Variants in CSGALNACT2 observed in about 807,000 individuals in gnomAD.
CSGALNACT2 encodes the protein beta 4 GalNAcT-2.
In CSGALNACT2, 35 loss-of-function variants were observed where a neutral mutation model predicts 55.3. The ratio of observed to expected loss-of-function variants is 0.63; its 90% CI spans 0.48 to 0.84. CSGALNACT2 has a LOEUF of 0.84. Among genes scored for constraint, CSGALNACT2 ranks in the 40% least tolerant of loss-of-function variants. The probability of loss-of-function intolerance (pLI) is 0.00; values close to 1 mark genes in which losing one functional copy is unlikely to be tolerated. For synonymous variants in CSGALNACT2, 196 were observed against 224.9 expected (o/e 0.87, Z 1.15); for missense variants, 544 against 657.5 (o/e 0.83, Z 1.89).
At chr10:43,164,120 T>A in intron 5 of CSGALNACT2, 76 bp downstream of exon 5, 1 of 1,245,256 alleles carries the variant, frequency 8.0e-7, no homozygotes, top group Non-Finnish European at 1.1e-6. Context: ...TTGAATCAAG[T>A]GATTTTGAGG....
chr10:43,155,078 T>G lies in CSGALNACT2; in HGVS notation c.-72T>G. ...GGAAATTCTGATTTTGTTTTTAATT[T>G]TTGATAACTTTTTACTAAAGGTATG... is the stretch of plus-strand genomic sequence containing the variant. On this transcript the variant is annotated 5_prime_UTR_variant, in exon 2 of 8. Transcript: ENST00000374466. 2 of 1,249,134 alleles carry G rather than the reference T, an allele frequency of 1.6e-6. No individual in the cohort carries two copies. The highest frequency in any genetic ancestry group is 2.2e-6 in the Non-Finnish European group (2 of 890,302). The allele number at this position is 1,249,134 out of a possible 1,614,324, so 77.4% of individuals were successfully genotyped here. A position where few individuals can be genotyped will look rare whatever the true frequency, so the allele number is the denominator to read the frequency against.
In CSGALNACT2 at chr10:43,179,382, C is replaced by T. The variant is rs952542051; in HGVS notation, c.1336+3350C>T. ...GGATACTGATTTCCCTCTACCACCACGGCTTGGTTTTTTTTTTTCCTTGTT... is the reference window on the plus strand; with the variant it reads ...GGATACTGATTTCCCTCTACCACCATGGCTTGGTTTTTTTTTTTCCTTGTT... On this transcript the variant is annotated intron_variant, in intron 7 of 7. Transcript: ENST00000374466. Among the ~76,000 whole-genome samples, 8 of 150,718 alleles carry T rather than the reference C, an allele frequency of 5.3e-5. No homozygotes were observed. The East Asian group carries it at 5.8e-4, about 11-fold the overall frequency.
intron 6 of CSGALNACT2, among the ~76,000 whole-genome samples, chr10:43,172,412 A>G (rs1487616315): frequency 6.6e-6 from 1 of 152,198 alleles, no homozygotes; most frequent in Non-Finnish European, 1.5e-5. Context: ...TGTGCAGGGT[A>G]CTTGTTCTGT....
intron 4 of CSGALNACT2, among the ~76,000 whole-genome samples, chr10:43,161,981 G>T (rs915796107): frequency 2.0e-5 from 3 of 152,134 alleles, no homozygotes; most frequent in African/African-American, 7.2e-5. Flanking sequence ...GTGGCAAATG[G>T]TGTAAACCTA....
In CSGALNACT2 at chr10:43,183,283, GAGA is replaced by G. The variant is rs1839626782; in HGVS notation, c.1374_1376del (p.Glu458del). On this transcript the variant is annotated inframe_deletion, in exon 8 of 8. Transcript: ENST00000374466. ...GACATGGAAGTGAAAGGTTGGGGTG[GAGA>G]AGATGTTCATCTTTATCGAAAATAC... 1.2e-6 allele frequency: 2 copies of G among 1,613,554 alleles called. No homozygotes were observed. Among genetic ancestry groups the G allele is most frequent in the Non-Finnish European group, 1.7e-6 (2 of 1,179,578 alleles).
At chr10:43,155,862 T>C (rs765422331) in intron 2 of CSGALNACT2, 52 bp downstream of exon 2, 1 of 1,392,042 alleles carries the variant, frequency 7.2e-7, no homozygotes, top group Non-Finnish European at 1.0e-6. Context: ...CAAATGCTAG[T>C]ATTGTATGCT....
At chr10:43,164,363 G>C (rs1270979289) in intron 5 of CSGALNACT2, among the ~76,000 whole-genome samples, 1 of 152,162 alleles carries the variant, frequency 6.6e-6, no homozygotes, top group Non-Finnish European at 1.5e-5. Context: ...TAAGCAGATG[G>C]TATGGAGATG....
chr10:43,164,102 C>T, intron 5 of CSGALNACT2, 58 bp downstream of exon 5: 1 of 1,384,980 alleles, frequency 7.2e-7, no homozygotes, highest in Non-Finnish European at 9.8e-7. Flanking sequence ...GTCAGCATGT[C>T]CTATAGTTTG....
At chr10:43,141,500 C>A (rs530229706) in intron 1 of CSGALNACT2, among the ~76,000 whole-genome samples, 1 of 151,888 alleles carries the variant, frequency 6.6e-6, no homozygotes, top group African/African-American at 2.4e-5. Context: ...CAGGCGTGAG[C>A]CACCGCACCT....
intron 1 of CSGALNACT2, among the ~76,000 whole-genome samples, chr10:43,144,470 A>G (rs1838699132): frequency 1.3e-5 from 2 of 152,174 alleles, no homozygotes; most frequent in African/African-American, 2.4e-5. Flanking sequence ...AATATGTAGT[A>G]CTCTATTTTT....
rs560591972 is a variant in CSGALNACT2 at position 43,180,529 on chromosome 10, T to C, written c.1337-2721T>C. The stretch of plus-strand genomic sequence containing the variant: ...TATCTGCTCTTTCCATTAGAGCCCT[T>C]AGAGTATTATACATAGTTGTTTTAA... On this transcript the variant is annotated intron_variant, in intron 7 of 7. Transcript: ENST00000374466. Among the ~76,000 whole-genome samples the C allele has an allele frequency of 1.1e-4, 16 of 152,306 alleles. 2 individuals are homozygous for C. The South Asian group carries it at 3.3e-3, about 32-fold the overall frequency.
At chr10:43,154,148 G>A (rs755404723) in intron 1 of CSGALNACT2, among the ~76,000 whole-genome samples, 47 of 152,300 alleles carry the variant, frequency 3.1e-4, no homozygotes, top group Non-Finnish European at 5.3e-4. Context: ...GAATAAACTG[G>A]GAGAAAATCT....
chr10:43,156,310 G>A (rs1399684910), intron 2 of CSGALNACT2, among the ~76,000 whole-genome samples: 1 of 152,190 alleles, frequency 6.6e-6, no homozygotes, highest in Non-Finnish European at 1.5e-5. Flanking sequence ...ATTTGGAAAA[G>A]TAAGGAAATA....
rs1260152937 is a variant in CSGALNACT2 at position 43,183,743 on chromosome 10, T to G, written c.*201T>G. On this transcript the variant is annotated 3_prime_UTR_variant, in exon 8 of 8. Coordinates refer to ENST00000374466, the MANE Select transcript of CSGALNACT2 (RefSeq NM_018590.5). Reference sequence around the variant, plus strand: ...CAAAATCTCTGTTTTGTGAGAATACTGCACTATGGAATAATTGACAAATTG... The same window carrying G: ...CAAAATCTCTGTTTTGTGAGAATACGGCACTATGGAATAATTGACAAATTG... 1.7e-6 allele frequency: 1 copy of G among 585,152 alleles called. No homozygotes were observed. Among genetic ancestry groups the G allele is most frequent in the East Asian group, 2.8e-5 (1 of 35,264 alleles). The allele number at this position is 585,152 out of a possible 1,614,324, so 36.2% of individuals were successfully genotyped here. A position where few individuals can be genotyped will look rare whatever the true frequency, so the allele number is the denominator to read the frequency against.
At chr10:43,146,682 A>G (rs910157092) in intron 1 of CSGALNACT2, among the ~76,000 whole-genome samples, 1 of 151,100 alleles carries the variant, frequency 6.6e-6, no homozygotes, top group Non-Finnish European at 1.5e-5. Context: ...GAGCTATAAT[A>G]TGATAGAGGC....
At chr10:43,166,537 T>C (rs1839268120) in intron 5 of CSGALNACT2, among the ~76,000 whole-genome samples, 1 of 152,238 alleles carries the variant, frequency 6.6e-6, no homozygotes, top group African/African-American at 2.4e-5. Context: ...TTGGTTCAGA[T>C]TTATTCTATA....
chr10:43,141,624 CAAAAAAAAAAAA>C (rs58889701), intron 1 of CSGALNACT2, among the ~76,000 whole-genome samples: 11 of 68,932 alleles, frequency 1.6e-4, no homozygotes, highest in East Asian at 5.5e-4. Flanking sequence ...GAAACTGTCT[CAAAAAAAAAAAA>C]AAAAAAAAAA....
At chr10:43,181,507 A>G (rs923334324) in intron 7 of CSGALNACT2, among the ~76,000 whole-genome samples, 2 of 152,230 alleles carry the variant, frequency 1.3e-5, no homozygotes, top group African/African-American at 4.8e-5. Flanking sequence ...ACAAGGAAGA[A>G]AAGCTGATAT....
rs181860658 is a variant in CSGALNACT2 at position 43,166,640 on chromosome 10, C to T, written c.1160-364C>T. On this transcript the variant is annotated intron_variant, in intron 5 of 7. Coordinates refer to ENST00000374466, the MANE Select transcript of CSGALNACT2 (RefSeq NM_018590.5). ...ATTTTTGACAGGTGGATTTAACAGA[C>T]GTTTCTAAGTTTCATAGTGATTATC... Among the ~76,000 whole-genome samples, 685 of 152,244 alleles carry T rather than the reference C, an allele frequency of 4.5e-3. 3 individuals carry two copies. Among genetic ancestry groups the T allele is most frequent in the Admixed American group, 6.4e-3 (98 of 15,296 alleles).
Sources: gnomAD v4.1 joint callset for allele counts (sites outside exome capture counted in the v4.1 genomes callset) on GRCh38, gnomAD v4.1.1 for gene constraint, MANE v1.5 for transcripts, NCBI Gene and HGNC (gene_info 2026-07-23, HGNC 2026-07-21) for gene names.